The following DACH2 variants were observed in gnomAD, a reference collection of about 807,000 sequenced individuals.
The protein encoded by DACH2 is dachshund homolog 2.
DACH2 carries 17 observed loss-of-function variants against 35.8 expected under a neutral mutation model. The observed-to-expected ratio is 0.48, with a 90% CI of 0.33 to 0.71. The LOEUF is 0.71. Ranked by LOEUF, DACH2 falls within the 30% of genes least tolerant of loss-of-function variation. The pLI is 0.02. For synonymous variants in DACH2, 195 were observed against 177.3 expected (o/e 1.10, Z -0.79); for missense variants, 469 against 472.7 (o/e 0.99, Z 0.07).
intron 7 of DACH2, among the ~76,000 whole-genome samples, chrX:86,776,331 T>G (rs1280024621): frequency 9.0e-6 from 1 of 111,503 alleles, no homozygotes; most frequent in African/African-American, 3.3e-5. Flanking sequence ...GAATCTCACT[T>G]GTAAGTGCAC....
intron 4 of DACH2, among the ~76,000 whole-genome samples, chrX:86,691,662 A>G (rs2041012002): frequency 9.0e-6 from 1 of 111,373 alleles, no homozygotes; most frequent in Admixed American, 9.6e-5. Context: ...GGGAAAACAC[A>G]GTCATCTGCA....
At chrX:86,737,164 C>T (rs917537563) in intron 6 of DACH2, among the ~76,000 whole-genome samples, 3 of 111,737 alleles carry the variant, frequency 2.7e-5, no homozygotes, top group Non-Finnish European at 3.8e-5. Flanking sequence ...ATGGATATTG[C>T]TGTCAGTACC....
chrX:86,780,170 CAAAAAA>C (rs5902915), intron 7 of DACH2, among the ~76,000 whole-genome samples: 1 of 90,160 alleles, frequency 1.1e-5, no homozygotes, highest in Non-Finnish European at 2.1e-5. Context: ...ATATAAATAC[CAAAAAA>C]AAAAAAAAAA....
chrX:86,646,288 G>T (rs987592258), intron 3 of DACH2, among the ~76,000 whole-genome samples: 46 of 109,940 alleles, frequency 4.2e-4, no homozygotes, highest in African/African-American at 1.5e-3. Flanking sequence ...TGGAGATTCA[G>T]AAGGGTGGGA....
intron 7 of DACH2, among the ~76,000 whole-genome samples, chrX:86,795,042 T>C (rs1181760311): frequency 1.8e-5 from 2 of 110,991 alleles, no homozygotes; most frequent in South Asian, 3.8e-4. Context: ...CAATGCCATG[T>C]TAAAAATACA....
chrX:86,810,453 A>C (rs977448749), intron 7 of DACH2, among the ~76,000 whole-genome samples: 2 of 111,882 alleles, frequency 1.8e-5, no homozygotes, highest in African/African-American at 6.5e-5. Context: ...ACTTCGTAGC[A>C]CTTCATTTTA....
chrX:86,762,898 A>G (rs2041897017), intron 7 of DACH2, among the ~76,000 whole-genome samples: 1 of 111,787 alleles, frequency 8.9e-6, no homozygotes. Flanking sequence ...ATCAAATAGT[A>G]GGTCTTATTC....
chrX:86,359,751 T>TA (rs1250525447), intron 1 of DACH2, among the ~76,000 whole-genome samples: 1 of 52,740 alleles, frequency 1.9e-5, no homozygotes, highest in African/African-American at 9.7e-5. Flanking sequence ...CTGTCTCAGT[T>TA]AAAAAAACAA....
intron 1 of DACH2, among the ~76,000 whole-genome samples, chrX:86,324,665 G>T (rs1045239664): frequency 7.8e-5 from 7 of 89,745 alleles, no homozygotes; most frequent in African/African-American, 3.0e-4. Flanking sequence ...TGCAAGCTCC[G>T]CCTCCCGGGT....
intron 3 of DACH2, among the ~76,000 whole-genome samples, chrX:86,599,145 A>T (rs867569495): frequency 1.4e-4 from 16 of 110,900 alleles, no homozygotes; most frequent in African/African-American, 5.3e-4. Flanking sequence ...ATCCTTTTTA[A>T]TGGCTGCGTA....
intron 1 of DACH2, among the ~76,000 whole-genome samples, chrX:86,308,996 A>AT (rs2034745489): frequency 9.0e-6 from 1 of 111,692 alleles, no homozygotes; most frequent in African/African-American, 3.3e-5. Flanking sequence ...GAACCCCCAC[A>AT]TTGGCTCCCT....
chrX:86,612,541 C>T (rs189519414), intron 3 of DACH2, among the ~76,000 whole-genome samples: 1 of 111,525 alleles, frequency 9.0e-6, no homozygotes, highest in Non-Finnish European at 1.9e-5. Context: ...TGGGAAATTC[C>T]CTTCTGGCTA....
rs763859484 is a variant in DACH2, at chrX:86,273,181, C to T, written c.489-103643C>T. Among the ~76,000 whole-genome samples the T allele has an allele frequency of 1.8e-4, 20 of 111,828 alleles. No homozygotes were observed. The Admixed American group carries it at 1.9e-3, about 11-fold the overall frequency. ...TTTCTATATGTACATTTCAGAAGAA[C>T]AAAATTGTAAAAATAAAACATTATG... is the stretch of plus-strand genomic sequence containing the variant. On this transcript the variant is annotated intron_variant, in intron 1 of 11. Transcript: ENST00000373125.
chrX:86,312,104 C>A (rs778473997), intron 1 of DACH2, among the ~76,000 whole-genome samples: 1 of 111,952 alleles, frequency 8.9e-6, no homozygotes, highest in Non-Finnish European at 1.9e-5. Context: ...AGGTAGTCAT[C>A]GTTACCAGCT....
chrX:86,591,453 T>A (rs1486025539), intron 3 of DACH2, among the ~76,000 whole-genome samples: 1 of 111,589 alleles, frequency 9.0e-6, no homozygotes, highest in Non-Finnish European at 1.9e-5. Flanking sequence ...TACAATTTTT[T>A]AATAACATAG....
chrX:86,768,696 A>T (rs1278764977), intron 7 of DACH2, among the ~76,000 whole-genome samples: 1 of 111,159 alleles, frequency 9.0e-6, no homozygotes, highest in Non-Finnish European at 1.9e-5. Flanking sequence ...GTTTCTTAAA[A>T]GGGTATGTTG....
At chrX:86,784,853 A>G (rs1322760084) in intron 7 of DACH2, among the ~76,000 whole-genome samples, 1 of 111,734 alleles carries the variant, frequency 8.9e-6, no homozygotes, top group African/African-American at 3.2e-5. Context: ...GGAGGCCATT[A>G]TCCTAAGCAA....
chrX:86,537,825 C>T (rs961080445), intron 3 of DACH2, among the ~76,000 whole-genome samples: 1 of 111,480 alleles, frequency 9.0e-6, no homozygotes, highest in Non-Finnish European at 1.9e-5. Flanking sequence ...ATCCAGATGG[C>T]CTGAAACAAC....
At chrX:86,739,648 A>T in intron 6 of DACH2, 99 bp from the exon 7 acceptor site, 1 of 1,008,573 alleles carries the variant, frequency 9.9e-7, no homozygotes, top group Non-Finnish European at 1.4e-6. Flanking sequence ...GTACACTTTC[A>T]CAATAAGTGA....
Sources: gnomAD v4.1 joint callset for allele counts (sites outside exome capture counted in the v4.1 genomes callset) on GRCh38, gnomAD v4.1.1 for gene constraint, MANE v1.5 for transcripts, NCBI Gene and HGNC (gene_info 2026-07-23, HGNC 2026-07-21) for gene names.